COL17A1: variants seen among roughly 807,000 people sequenced by gnomAD.
COL17A1 encodes collagen type XVII alpha 1 chain.
In COL17A1, 181 loss-of-function variants were observed where a neutral mutation model predicts 218.4. The observed-to-expected ratio is 0.83, with a 90% confidence interval of 0.73 to 0.94. COL17A1 has a LOEUF of 0.94. Among genes scored for constraint, COL17A1 ranks in the 40% least tolerant of loss-of-function variants. The pLI, the probability that COL17A1 is intolerant of heterozygous loss-of-function variation, is 0.00. For synonymous variants in COL17A1, 721 were observed against 731.0 expected, an observed-to-expected ratio of 0.99 and a Z score of 0.22; for missense variants, 1,924 against 1,945.9, an observed-to-expected ratio of 0.99 and a Z score of 0.21.
intron 50 of COL17A1, 87 bp downstream of exon 50, chr10:104,035,176 C>A: frequency 8.7e-7 from 1 of 1,154,036 alleles, no homozygotes; most frequent in South Asian, 1.3e-5. Flanking sequence ...TCCAGGAGCA[C>A]TTAGACTGCC....
intron 12 of COL17A1, 129 bp downstream of exon 12, chr10:104,062,129 G>T: frequency 7.2e-7 from 1 of 1,380,490 alleles, no homozygotes; most frequent in Non-Finnish European, 1.0e-6. Context: ...TTGATATCTT[G>T]AGTGTTGTGT....
chr10:104,052,342 C>T, intron 23 of COL17A1, 125 bp from the exon 24 acceptor site: 1 of 1,224,866 alleles, frequency 8.2e-7, no homozygotes. Context: ...ATTTGGTGCC[C>T]CAGTGAGGCC....
At chr10:104,056,740 G>A (rs1380078834) in intron 17 of COL17A1, among the ~76,000 whole-genome samples, 1 of 152,162 alleles carries the variant, frequency 6.6e-6, no homozygotes, top group East Asian at 1.9e-4. Context: ...GTGGGGCTGA[G>A]CATCAGGCGC....
At position 104,039,118 on chromosome 10, in the gene COL17A1, T is replaced by G. The variant is rs1331178385; in HGVS notation, c.2900A>C (p.Asp967Ala). The G allele has an allele frequency of 1.2e-6, 2 of 1,614,134 alleles. No homozygotes were observed. Among genetic ancestry groups the G allele is most frequent in the Admixed American group, 3.3e-5 (2 of 60,014 alleles). ...GCCAAGAGCCCCTGGAACACCTGGA[T>G]CACCTGGAATCCAAAATGAGAAGTT... ...GPQGPKGDKG[D>A]PGVPGALGIP... is the part of the protein sequence containing the mutation. Residue 967 changes from aspartate (D) to alanine (A), a missense_variant, in exon 44 of 56, where the codon GAT (aspartate) becomes GCT (alanine). By Grantham distance (126) the Asp-to-Ala change is moderately radical (BLOSUM62 -2). Transcript: ENST00000648076.
rs200814114 is a variant in COL17A1 at position 104,055,770 on chromosome 10, C to T, written c.1687+12G>A. On this transcript the variant is annotated intron_variant, in intron 18 of 55. Transcript: ENST00000648076. ...TCAGGGGAGCTGGCCCTGTGCCCGGCGATGCTCTCACCATTTTCCTGTTCC... is the reference window on the plus strand; with the variant it reads ...TCAGGGGAGCTGGCCCTGTGCCCGGTGATGCTCTCACCATTTTCCTGTTCC... The T allele has an allele frequency of 4.5e-5, 73 of 1,613,624 alleles. No individual in the cohort carries two copies. In the East Asian group the frequency reaches 1.3e-3, roughly 28 times the overall value.
Position 104,072,090 on chromosome 10 carries a change from G to T in COL17A1, c.416-11C>A, listed in dbSNP as rs2086674365. 1.2e-6 allele frequency: 2 copies of T among 1,614,022 alleles called. No homozygotes were observed. The highest frequency in any genetic ancestry group is 1.3e-5 in the African/African-American group (1 of 74,908). ...CTCGAATTTCACTCTCTGTACAAGG[G>T]AAGAGATAGAGAAGGGTGTGAATGA... On this transcript the variant is annotated splice_polypyrimidine_tract_variant and intron_variant, in intron 7 of 55. Coordinates refer to ENST00000648076, the MANE Select transcript of COL17A1 (RefSeq NM_000494.4).
At chr10:104,079,918 C>T (rs1174359091) in intron 2 of COL17A1, among the ~76,000 whole-genome samples, 1 of 112,176 alleles carries the variant, frequency 8.9e-6, no homozygotes, top group East Asian at 2.5e-4. Flanking sequence ...CAGAGCAAGA[C>T]TCCGTCTCAA....
chr10:104,041,503 CGG>C lies in COL17A1; in HGVS notation c.2585_2586del (p.Pro862ArgfsTer102). On this transcript the variant is annotated frameshift_variant, in exon 37 of 56. Coordinates refer to ENST00000648076, the MANE Select transcript of COL17A1 (RefSeq NM_000494.4). LOFTEE classifies it high-confidence loss of function. ...TACTCACCTGGTGGCCCGCGTGGGC[CGG>C]GTGGGCCTGGGGGACCTTGTAAATT... ...VLNLQGPPGP[P>X]GPRGPPGPSI... is the part of the protein sequence containing the mutation. 2.5e-6 allele frequency: 4 copies of C among 1,613,564 alleles called. No homozygotes were observed. The highest frequency in any genetic ancestry group is 3.4e-6 in the Non-Finnish European group (4 of 1,179,514).
chr10:104,037,026 C>A lies in COL17A1; in HGVS notation c.3277+19G>T. 1 of 1,594,744 alleles carries A rather than the reference C, an allele frequency of 6.3e-7. No homozygotes were observed. Among genetic ancestry groups the A allele is most frequent in the East Asian group, 2.2e-5 (1 of 44,538 alleles). ...AAGCAAAGATAGTCCCACCCTCGAT[C>A]CCCCCACAGGTGACTCACGCTGCAG... On this transcript the variant is annotated intron_variant, in intron 47 of 55. Transcript: ENST00000648076.
chr10:104,070,997 T>A (rs939596116), intron 8 of COL17A1, among the ~76,000 whole-genome samples: 1 of 152,204 alleles, frequency 6.6e-6, no homozygotes, highest in African/African-American at 2.4e-5. Flanking sequence ...TGCCTGGGGC[T>A]GTCAAAAGGA....
chr10:104,052,199 C>A lies in COL17A1; in HGVS notation c.1958G>T (p.Gly653Val), dbSNP rs1242407517. ...TGGGACACCAGGTGGGCCATGAGGA[C>A]CTGGTTCACCAGCAGCCCCTGAGGA... ...KGERGAAGEP[G>V]PHGPPGVPGS... Residue 653 changes from glycine (G) to valine (V), a missense_variant, in exon 24 of 56, where the codon GGT becomes GTT. Gly to Val is a moderately radical substitution (Grantham distance 109). Transcript: ENST00000648076. 1 of 1,614,166 alleles carries A rather than the reference C, an allele frequency of 6.2e-7. No homozygotes were observed. Among genetic ancestry groups the A allele is most frequent in the South Asian group, 1.1e-5 (1 of 91,086 alleles).
chr10:104,043,477 G>C (rs1280616431), intron 35 of COL17A1, 24 bp downstream of exon 35: 1 of 1,608,268 alleles, frequency 6.2e-7, no homozygotes. Flanking sequence ...GCTGATTTGG[G>C]GCAAAGCAAG....
chr10:104,038,967 G>T, intron 44 of COL17A1, 104 bp downstream of exon 44: 2 of 1,286,900 alleles, frequency 1.6e-6, no homozygotes, highest in South Asian at 1.2e-5. Flanking sequence ...AATCAACAAC[G>T]AATCATGGAG....
intron 23 of COL17A1, 81 bp downstream of exon 23, chr10:104,052,950 G>C: frequency 2.7e-6 from 4 of 1,497,824 alleles, no homozygotes; most frequent in Non-Finnish European, 3.7e-6. Context: ...AACAGAGACA[G>C]AGTGAAGGAG....
chr10:104,040,625 G>A (rs12354632), intron 39 of COL17A1, among the ~76,000 whole-genome samples: 1 of 151,990 alleles, frequency 6.6e-6, no homozygotes, highest in African/African-American at 2.4e-5. Flanking sequence ...TGGATGGATA[G>A]GTGGATGGGT....
Position 104,064,622 on chromosome 10 carries a change from C to T in COL17A1, c.608-26G>A, listed in dbSNP as rs777529885. 3.7e-6 allele frequency: 6 copies of T among 1,600,462 alleles called. No homozygotes were observed. The African/African-American group carries it at 8.0e-5, about 21-fold the overall frequency. On this transcript the variant is annotated intron_variant, in intron 9 of 55. Coordinates refer to ENST00000648076, the MANE Select transcript of COL17A1 (RefSeq NM_000494.4). ...CTGGAAACAGACACATGCACACACC[C>T]CAGTGAGAGACAAATCAACACTCCC...
intron 20 of COL17A1, 152 bp downstream of exon 20, chr10:104,054,829 T>C: frequency 7.8e-7 from 1 of 1,276,924 alleles, no homozygotes; most frequent in South Asian, 1.3e-5. Context: ...CAAAGGTCCC[T>C]GGGATTGGAA....
intron 44 of COL17A1, 131 bp from the exon 45 acceptor site, chr10:104,038,659 A>G (rs1770412575): frequency 8.6e-7 from 1 of 1,164,832 alleles, no homozygotes; most frequent in Admixed American, 2.0e-5. Flanking sequence ...TGGCAAGGAG[A>G]AGGGTCCCCG....
At chr10:104,078,011 G>A (rs924313320) in intron 3 of COL17A1, among the ~76,000 whole-genome samples, 1 of 152,160 alleles carries the variant, frequency 6.6e-6, no homozygotes, top group African/African-American at 2.4e-5. Context: ...TCACCTGCTG[G>A]TGGGTGGGCT....
Sources: gnomAD v4.1 joint callset for allele counts (sites outside exome capture counted in the v4.1 genomes callset) on GRCh38, gnomAD v4.1.1 for gene constraint, MANE v1.5 for transcripts, NCBI Gene and HGNC (gene_info 2026-07-23, HGNC 2026-07-21) for gene names.